Variants in SMC1B observed in about 807,000 individuals in gnomAD.
SMC1B encodes the protein structural maintenance of chromosomes 1B, also known as structural maintenance of chromosomes protein 1B.
A neutral mutation model predicts 157.9 loss-of-function variants in SMC1B; 60 were observed. The ratio of observed to expected loss-of-function variants is 0.38; its 90% confidence interval spans 0.31 to 0.47. SMC1B has a LOEUF of 0.47. Ranked by LOEUF, SMC1B falls within the 20% of genes least tolerant of loss-of-function variation. The pLI, the probability that SMC1B is intolerant of heterozygous loss-of-function variation, is 0.99. For missense variants in SMC1B, 1,165 were observed against 1,426.2 expected, an observed-to-expected ratio of 0.82 and a Z score of 2.95; for synonymous variants, 445 against 483.0, an observed-to-expected ratio of 0.92 and a Z score of 1.03.
intron 15 of SMC1B, among the ~76,000 whole-genome samples, 178 bp downstream of exon 15, chr22:45,369,776 C>T (rs532553188): frequency 6.6e-6 from 1 of 152,194 alleles, no homozygotes; most frequent in South Asian, 2.1e-4. Context: ...GATCTCCTGA[C>T]CTCGTGATCC....
chr22:45,383,635 G>T (rs374925935), intron 11 of SMC1B, 22 bp from the exon 12 acceptor site: 2 of 1,569,642 alleles, frequency 1.3e-6, no homozygotes, highest in African/African-American at 1.4e-5. Context: ...AAAATATTTT[G>T]CCCTGGAGAA....
Position 45,383,536 on chromosome 22 carries a change from A to G in SMC1B, c.1989T>C (p.Ala663=). The G allele has an allele frequency of 6.2e-7, 1 of 1,610,424 alleles. No individual in the cohort carries two copies. The highest frequency in any genetic ancestry group is 2.2e-5 in the East Asian group (1 of 44,710). Residue 663 remains alanine, a synonymous_variant, in exon 12 of 25, where the codon GCT becomes GCC. Transcript: ENST00000357450. ...TTAACTCTTTCTCATCCCAGCATCT[A>G]GCCTTGTATTTTAAGTCACTTGACC... is the stretch of plus-strand genomic sequence containing the variant. ...SGGSSDLKYK[A]RCWDEKELKN... is the part of the protein sequence containing the mutation.
intron 1 of SMC1B, among the ~76,000 whole-genome samples, chr22:45,409,887 T>TC (rs2087311481): frequency 6.6e-6 from 1 of 152,192 alleles, no homozygotes; most frequent in African/African-American, 2.4e-5. Context: ...TTCTGGAATA[T>TC]TATTTTATAA....
chr22:45,388,986 C>CAAAAAAAAAAAA (rs371475132), intron 10 of SMC1B, among the ~76,000 whole-genome samples: 1 of 54,462 alleles, frequency 1.8e-5, no homozygotes, highest in Non-Finnish European at 3.5e-5. Context: ...GACTCTGCCT[C>CAAAAAAAAAAAA]AAAAAAAAAA....
rs5765281 is a variant in SMC1B, at chr22:45,358,678, A to G, written c.2961+19T>C. ...TCCGTATTACTGTGAGTGATAAACA[A>G]CAGAAAGCTTTCCATTACCTTCAAA... On this transcript the variant is annotated intron_variant, in intron 19 of 24. Coordinates refer to ENST00000357450, the MANE Select transcript of SMC1B (RefSeq NM_148674.5). 0.48 allele frequency: 687,198 copies of G among 1,435,442 alleles called. 172,889 individuals carry two copies. The highest frequency in any genetic ancestry group is 0.52 in the Non-Finnish European group (536,760 of 1,026,224). 88.9% of individuals were successfully genotyped at this position (1,435,442 alleles called of 1,614,324 possible).
intron 10 of SMC1B, 28 bp downstream of exon 10, chr22:45,389,684 T>C (rs760923729): frequency 1.3e-6 from 2 of 1,586,602 alleles, no homozygotes; most frequent in Admixed American, 3.5e-5. Flanking sequence ...TTTATCACTA[T>C]AAATACCAGG....
chr22:45,358,586 G>T, intron 19 of SMC1B, 111 bp downstream of exon 19: 1 of 652,794 alleles, frequency 1.5e-6, no homozygotes, highest in Non-Finnish European at 2.5e-6. Context: ...AAAACCATTA[G>T]GAAATCTTTT....
intron 12 of SMC1B, among the ~76,000 whole-genome samples, chr22:45,373,669 A>C (rs1379806476): frequency 1.3e-5 from 2 of 152,242 alleles, no homozygotes; most frequent in African/African-American, 4.8e-5. Context: ...TAGGCCCAGG[A>C]ATGAACAAGG....
chr22:45,383,291 C>G (rs759088247), intron 12 of SMC1B, among the ~76,000 whole-genome samples, 176 bp downstream of exon 12: 1 of 152,058 alleles, frequency 6.6e-6, no homozygotes, highest in African/African-American at 2.4e-5. Context: ...TAGTAAATAA[C>G]TCTGAGATAT....
At chr22:45,406,364 T>C (rs1428964892) in intron 4 of SMC1B, 96 bp downstream of exon 4, 5 of 942,636 alleles carry the variant, frequency 5.3e-6, no homozygotes, top group Admixed American at 2.7e-5. Context: ...TACTATTAAA[T>C]TAATCTTCTT....
intron 19 of SMC1B, among the ~76,000 whole-genome samples, chr22:45,358,298 A>G (rs1259196021): frequency 1.3e-5 from 2 of 152,224 alleles, no homozygotes; most frequent in Admixed American, 6.5e-5. Context: ...AAATCTGTGG[A>G]AGGAGTTGTG....
intron 19 of SMC1B, among the ~76,000 whole-genome samples, chr22:45,358,150 G>A (rs2086687468): frequency 6.6e-6 from 1 of 152,090 alleles, no homozygotes; most frequent in African/African-American, 2.4e-5. Context: ...TGTGAGAGAG[G>A]GCATGGACCC....
At chr22:45,399,546 TG>T (rs761740987) in intron 5 of SMC1B, among the ~76,000 whole-genome samples, 193 bp from the exon 6 acceptor site, 62 of 152,320 alleles carry the variant, frequency 4.1e-4, no homozygotes, top group Middle Eastern at 3.4e-3. Context: ...CGGTCACTTT[TG>T]AGAGTGGTAC....
chr22:45,353,290 G>GAAA (rs11287252), intron 21 of SMC1B, among the ~76,000 whole-genome samples: 1 of 140,372 alleles, frequency 7.1e-6, no homozygotes, highest in African/African-American at 2.7e-5. Flanking sequence ...AAGAAAGAAA[G>GAAA]AAAAAAAAAA....
At chr22:45,402,103 T>G (rs1458944212) in intron 5 of SMC1B, among the ~76,000 whole-genome samples, 1 of 152,138 alleles carries the variant, frequency 6.6e-6, no homozygotes, top group Non-Finnish European at 1.5e-5. Flanking sequence ...CAGGATGGTC[T>G]CGATCTCCTT....
At chr22:45,394,590 T>C in intron 8 of SMC1B, 95 bp downstream of exon 8, 1 of 1,295,144 alleles carries the variant, frequency 7.7e-7, no homozygotes, top group Non-Finnish European at 9.9e-7. Context: ...AAGCCATGAC[T>C]GCGCCACTGC....
chr22:45,378,519 T>C (rs2086904691), intron 12 of SMC1B, among the ~76,000 whole-genome samples: 1 of 152,192 alleles, frequency 6.6e-6, no homozygotes, highest in East Asian at 1.9e-4. Flanking sequence ...ACGAAATAGA[T>C]GTTATTATTA....
At chr22:45,349,652 G>T in intron 23 of SMC1B, 76 bp downstream of exon 23, 1 of 1,358,352 alleles carries the variant, frequency 7.4e-7, no homozygotes, top group South Asian at 1.2e-5. Context: ...GATTTTTAAT[G>T]AGCATTTTCC....
At chr22:45,396,268 A>G (rs1158834370) in intron 7 of SMC1B, 78 bp downstream of exon 7, 3 of 1,306,150 alleles carry the variant, frequency 2.3e-6, no homozygotes, top group Non-Finnish European at 3.2e-6. Context: ...AAGGAGATTC[A>G]TTCTGGAGAC....
Sources: allele counts gnomAD v4.1 joint callset (sites outside exome capture counted in the v4.1 genomes callset), GRCh38; gene constraint gnomAD v4.1.1; transcripts MANE v1.5; gene names NCBI Gene and HGNC (gene_info 2026-07-23, HGNC 2026-07-21).